The following PITPNC1 variants were observed in gnomAD, a reference collection of about 807,000 sequenced individuals.
PITPNC1 encodes cytoplasmic phosphatidylinositol transfer protein 1.
Under a neutral mutation model 44.7 loss-of-function variants are expected in PITPNC1, and 18 were observed. That is an observed-to-expected ratio of 0.40 (90% CI 0.28 to 0.60). The LOEUF is 0.60. Among genes scored for constraint, PITPNC1 ranks in the 20% least tolerant of loss-of-function variants. The pLI, the probability that PITPNC1 is intolerant of heterozygous loss-of-function variation, is 0.39. For missense variants in PITPNC1, 290 were observed against 418.4 expected, an observed-to-expected ratio of 0.69 and a Z score of 2.68; for synonymous variants, 141 against 149.6, an observed-to-expected ratio of 0.94 and a Z score of 0.42.
At chr17:67,631,053 GTTATTATTATTATTATTA>G (rs56142240) in intron 5 of PITPNC1, among the ~76,000 whole-genome samples, 6 of 127,768 alleles carry the variant, frequency 4.7e-5, no homozygotes, top group South Asian at 2.6e-4. Context: ...TGTTGTTGTT[GTTATTATTATTATTATTA>G]TTATTATTAT....
At chr17:67,576,629 A>T (rs954173091) in intron 4 of PITPNC1, among the ~76,000 whole-genome samples, 3 of 134,110 alleles carry the variant, frequency 2.2e-5, no homozygotes, top group Admixed American at 1.4e-4. Flanking sequence ...GGCTAGCTAG[A>T]GCGTGGTTAC....
At chr17:67,636,265 G>A (rs982238754) in intron 6 of PITPNC1, among the ~76,000 whole-genome samples, 5 of 139,542 alleles carry the variant, frequency 3.6e-5, no homozygotes, top group Non-Finnish European at 7.5e-5. Context: ...CCAGGCGACA[G>A]TGCGAGACTC....
Position 67,425,197 on chromosome 17 carries a change from GCACACGCACACACACACACACACACA to G in PITPNC1, c.48+47001_48+47026del, listed in dbSNP as rs1258284577. The stretch of plus-strand genomic sequence containing the variant: ...AAACAGCCATGTTGTGCGCGCGCAC[GCACACGCACACACACACACACACACA>G]CACACACACACACACACACACACAC... On this transcript the variant is annotated intron_variant, in intron 1 of 8. Coordinates refer to ENST00000581322, the MANE Select transcript of PITPNC1 (RefSeq NM_012417.4). 8.2e-3 allele frequency among the ~76,000 whole-genome samples: 809 copies of G among 98,450 alleles called. 48 individuals carry two copies. Among genetic ancestry groups the G allele is most frequent in the East Asian group, 8.5e-3 (17 of 2,004 alleles). The allele number at this position is 98,450 out of a possible 152,430, so 64.6% of individuals were successfully genotyped here. A position where few individuals can be genotyped will look rare whatever the true frequency, so the allele number is the denominator to read the frequency against.
chr17:67,648,888 C>CTGGCTCTATCCCATCTGCAAAAAAA (rs1312216200), intron 6 of PITPNC1, among the ~76,000 whole-genome samples: 2 of 152,182 alleles, frequency 1.3e-5, no homozygotes, highest in Non-Finnish European at 2.9e-5. Flanking sequence ...AGGCCCAGTG[C>CTGGCTCTATCCCATCTGCAAAAAAA]AGTGGCTCTA....
rs374872249 is a variant in PITPNC1, at chr17:67,669,490, T to C, written c.463-18T>C. The C allele has an allele frequency of 1.8e-4, 259 of 1,446,024 alleles. 3 individuals are homozygous for C. The highest frequency in any genetic ancestry group is 1.7e-3 in the South Asian group (131 of 79,388). The allele number at this position is 1,446,024 out of a possible 1,614,324, so 89.6% of individuals were successfully genotyped here. A position where few individuals can be genotyped will look rare whatever the true frequency, so the allele number is the denominator to read the frequency against. ...CAAACTTTTAATATATCAATTTCTT[T>C]GATTTTTTTTTTTCTAGGATCCTAA... On this transcript the variant is annotated intron_variant, in intron 6 of 8. Coordinates refer to ENST00000581322, the MANE Select transcript of PITPNC1 (RefSeq NM_012417.4).
At chr17:67,640,774 G>T (rs1274023246) in intron 6 of PITPNC1, among the ~76,000 whole-genome samples, 1 of 151,408 alleles carries the variant, frequency 6.6e-6, no homozygotes, top group African/African-American at 2.4e-5. Flanking sequence ...CAGATTGCCT[G>T]AGCTCAGGAG....
intron 8 of PITPNC1, chr17:67,687,251 A>T: frequency 1.2e-6 from 1 of 852,706 alleles, no homozygotes; most frequent in Non-Finnish European, 2.0e-6. Flanking sequence ...GATCTGGGAA[A>T]TACTGCAGAT....
intron 1 of PITPNC1, among the ~76,000 whole-genome samples, chr17:67,387,883 T>G (rs895139246): frequency 2.0e-5 from 3 of 152,166 alleles, no homozygotes; most frequent in Admixed American, 2.0e-4. Context: ...TTTTTCACAC[T>G]AAGTCTTTGA....
At chr17:67,488,039 G>C (rs767493867) in intron 1 of PITPNC1, among the ~76,000 whole-genome samples, 7 of 152,204 alleles carry the variant, frequency 4.6e-5, no homozygotes, top group Non-Finnish European at 8.8e-5. Context: ...CAGCTCAAAA[G>C]AGCTGTTGCT....
At chr17:67,540,743 G>A (rs1482565071) in intron 2 of PITPNC1, among the ~76,000 whole-genome samples, 1 of 152,174 alleles carries the variant, frequency 6.6e-6, no homozygotes, top group Non-Finnish European at 1.5e-5. Context: ...ATGATGGATA[G>A]TGGCAACCAA....
At chr17:67,541,871 T>C (rs947912404) in intron 2 of PITPNC1, among the ~76,000 whole-genome samples, 1 of 152,192 alleles carries the variant, frequency 6.6e-6, no homozygotes, top group African/African-American at 2.4e-5. Flanking sequence ...GAGAAAGACT[T>C]CGGCTCAGGT....
At chr17:67,457,541 C>G (rs933359992) in intron 1 of PITPNC1, 1 of 152,522 alleles carries the variant, frequency 6.6e-6, no homozygotes, top group Non-Finnish European at 1.5e-5. Context: ...CGCCTGCCAC[C>G]AGGCCCAGCT....
intron 1 of PITPNC1, among the ~76,000 whole-genome samples, chr17:67,496,567 G>C (rs1261391618): frequency 6.6e-6 from 1 of 152,050 alleles, no homozygotes; most frequent in African/African-American, 2.4e-5. Flanking sequence ...TTCCACTCTT[G>C]AGAAATATGG....
intron 5 of PITPNC1, among the ~76,000 whole-genome samples, chr17:67,626,437 T>C (rs944480859): frequency 6.6e-6 from 1 of 152,110 alleles, no homozygotes; most frequent in African/African-American, 2.4e-5. Context: ...GTGGTGTATC[T>C]CAGCTCACTG....
At chr17:67,624,766 A>C (rs914408863) in intron 5 of PITPNC1, among the ~76,000 whole-genome samples, 6 of 150,538 alleles carry the variant, frequency 4.0e-5, no homozygotes, top group African/African-American at 1.5e-4. Flanking sequence ...CAACTGATCC[A>C]CCTGTCTTGG....
In PITPNC1 at chr17:67,417,038, T is replaced by C. The variant is rs188614136; in HGVS notation, c.48+38836T>C. 2.1e-3 allele frequency among the ~76,000 whole-genome samples: 316 copies of C among 151,884 alleles called. 2 individuals carry two copies. Among genetic ancestry groups the C allele is most frequent in the Middle Eastern group, 0.017 (5 of 294 alleles). On this transcript the variant is annotated intron_variant, in intron 1 of 8. Transcript: ENST00000581322. ...TGTTGATCAGACTGGTCTCAAAAAC[T>C]CCCGACCTCAGGTGATCCGACCGCC...
intron 6 of PITPNC1, among the ~76,000 whole-genome samples, chr17:67,656,600 T>C (rs1023646418): frequency 6.6e-6 from 1 of 152,138 alleles, no homozygotes; most frequent in South Asian, 2.1e-4. Flanking sequence ...TTGCACTCTG[T>C]TTTCTGATTG....
chr17:67,423,948 A>G (rs1181580853), intron 1 of PITPNC1, among the ~76,000 whole-genome samples: 1 of 152,034 alleles, frequency 6.6e-6, no homozygotes, highest in South Asian at 2.1e-4. Context: ...TGAAAGTCAC[A>G]CTTCTCTGAA....
At chr17:67,526,910 GT>G (rs1359078351) in intron 1 of PITPNC1, among the ~76,000 whole-genome samples, 1 of 152,044 alleles carries the variant, frequency 6.6e-6, no homozygotes, top group East Asian at 1.9e-4. Flanking sequence ...ATCCCATGAT[GT>G]TTTTGACTAT....
Sources: allele counts gnomAD v4.1 joint callset (sites outside exome capture counted in the v4.1 genomes callset), GRCh38; gene constraint gnomAD v4.1.1; transcripts MANE v1.5; gene names NCBI Gene and HGNC (gene_info 2026-07-23, HGNC 2026-07-21).